RAB3GAP2: variants seen among roughly 807,000 people sequenced by gnomAD.
RAB3GAP2 encodes the protein rab3 GTPase-activating protein non-catalytic subunit.
A neutral mutation model predicts 185.3 loss-of-function variants in RAB3GAP2; 87 were observed. The observed-to-expected ratio is 0.47, with a 90% confidence interval of 0.39 to 0.56. The LOEUF (loss-of-function observed/expected upper bound fraction) is 0.56, where lower values mean the gene tolerates loss of function less well. Ranked by LOEUF, RAB3GAP2 falls within the 20% of genes least tolerant of loss-of-function variation. The probability of loss-of-function intolerance (pLI) is 0.00; values close to 1 mark genes in which losing one functional copy is unlikely to be tolerated. For synonymous variants in RAB3GAP2, 554 were observed against 576.1 expected (o/e 0.96, Z 0.55); for missense variants, 1,492 against 1,638.2 (o/e 0.91, Z 1.54).
At chr1:220,183,516 G>A (rs145843159) in intron 19 of RAB3GAP2, among the ~76,000 whole-genome samples, 53 of 152,094 alleles carry the variant, frequency 3.5e-4, no homozygotes, top group African/African-American at 1.2e-3. Flanking sequence ...GCTTCCCAAA[G>A]TGTTAAGGTT....
intron 12 of RAB3GAP2, 107 bp downstream of exon 12, chr1:220,194,971 G>T: frequency 8.9e-7 from 1 of 1,120,786 alleles, no homozygotes; most frequent in South Asian, 1.2e-5. Flanking sequence ...ATGGCTTTCA[G>T]AAGTTCCAAA....
At position 220,211,844 on chromosome 1, in the gene RAB3GAP2, C is replaced by T. The variant is rs1659090366; in HGVS notation, c.387-842G>A. Among the ~76,000 whole-genome samples, 4 of 152,264 alleles carry T rather than the reference C, an allele frequency of 2.6e-5. No homozygotes were observed. In the South Asian group the frequency reaches 8.3e-4, roughly 32 times the overall value. On this transcript the variant is annotated intron_variant, in intron 4 of 34. Coordinates refer to ENST00000358951, the MANE Select transcript of RAB3GAP2 (RefSeq NM_012414.4). ...TTTGCTTTGCATTTCTGACAGAGAT[C>T]AAATGTCTTTAAAACACTTAGACTA...
chr1:220,267,479 C>T (rs1660249735), intron 1 of RAB3GAP2: 1 of 1,406,204 alleles, frequency 7.1e-7, no homozygotes, highest in Admixed American at 1.7e-5. Context: ...GCCAAATAAA[C>T]ATTACCAAAC....
chr1:220,171,858 A>G, intron 23 of RAB3GAP2, 31 bp downstream of exon 23: 2 of 1,614,002 alleles, frequency 1.2e-6, no homozygotes, highest in Non-Finnish European at 1.7e-6. Context: ...CTGGATGTGT[A>G]CAGATCAAAG....
At chr1:220,183,946 C>T (rs1331732391) in intron 19 of RAB3GAP2, 90 bp downstream of exon 19, 1 of 1,164,002 alleles carries the variant, frequency 8.6e-7, no homozygotes, top group Non-Finnish European at 1.2e-6. Context: ...AAAAAAAATT[C>T]TTAATTTTCT....
At chr1:220,180,729 T>C (rs1311243826) in intron 21 of RAB3GAP2, among the ~76,000 whole-genome samples, 1 of 152,250 alleles carries the variant, frequency 6.6e-6, no homozygotes, top group African/African-American at 2.4e-5. Flanking sequence ...AAACTCATTC[T>C]ATGAGGCCAA....
chr1:220,245,841 T>C (rs576391727), intron 1 of RAB3GAP2, among the ~76,000 whole-genome samples: 97 of 152,334 alleles, frequency 6.4e-4, no homozygotes, highest in African/African-American at 2.0e-3. Context: ...AGACTGCCTC[T>C]TCAAGTGGGT....
At chr1:220,251,336 AG>A (rs1170703418) in intron 1 of RAB3GAP2, among the ~76,000 whole-genome samples, 1 of 152,088 alleles carries the variant, frequency 6.6e-6, no homozygotes, top group African/African-American at 2.4e-5. Context: ...CTTTCAAAGG[AG>A]AATATGAAAC....
At chr1:220,249,541 T>C (rs964749594) in intron 1 of RAB3GAP2, among the ~76,000 whole-genome samples, 3 of 152,094 alleles carry the variant, frequency 2.0e-5, no homozygotes, top group Admixed American at 2.0e-4. Flanking sequence ...GAAAAACCCA[T>C]TCCTGAGGAG....
chr1:220,247,908 A>C (rs148192253), intron 1 of RAB3GAP2, among the ~76,000 whole-genome samples: 223 of 152,278 alleles, frequency 1.5e-3, no homozygotes, highest in African/African-American at 5.2e-3. Context: ...CAAATGAAAA[A>C]AATGAATAAA....
chr1:220,209,404 T>C lies in RAB3GAP2; in HGVS notation c.612+984A>G, dbSNP rs61461040. Among the ~76,000 whole-genome samples the C allele has an allele frequency of 3.5e-3, 539 of 152,298 alleles. 25 individuals carry two copies. The East Asian group carries it at 0.092, about 26-fold the overall frequency. ...GATTACCTGAAACACTTTCCCCTCT[T>C]TTCTATTACCTAATTAAATTCTATA... is the stretch of plus-strand genomic sequence containing the variant. On this transcript the variant is annotated intron_variant, in intron 7 of 34. Transcript: ENST00000358951.
intron 24 of RAB3GAP2, among the ~76,000 whole-genome samples, chr1:220,169,732 T>C (rs967219195): frequency 4.9e-4 from 75 of 152,342 alleles, no homozygotes; most frequent in Admixed American, 4.8e-3. Context: ...CATGATCCCC[T>C]TAAAATTACT....
At chr1:220,182,660 T>C (rs1229395322) in intron 20 of RAB3GAP2, 58 bp downstream of exon 20, 2 of 1,335,948 alleles carry the variant, frequency 1.5e-6, no homozygotes, top group Non-Finnish European at 2.0e-6. Flanking sequence ...TATATGTTCC[T>C]ACCATGTTTT....
intron 1 of RAB3GAP2, among the ~76,000 whole-genome samples, chr1:220,270,659 G>A (rs2667960): frequency 0.041 from 6,230 of 152,112 alleles, 452 homozygotes; most frequent in African/African-American, 0.14. Context: ...TCCTACTAAG[G>A]TTCTTAATTC....
chr1:220,171,512 A>G (rs897714432), intron 23 of RAB3GAP2, among the ~76,000 whole-genome samples: 1 of 152,240 alleles, frequency 6.6e-6, no homozygotes, highest in African/African-American at 2.4e-5. Flanking sequence ...CATCATAATG[A>G]ACATTTCAAG....
chr1:220,204,073 T>G (rs1017105487), intron 8 of RAB3GAP2, among the ~76,000 whole-genome samples: 2 of 152,170 alleles, frequency 1.3e-5, no homozygotes, highest in East Asian at 3.8e-4. Flanking sequence ...GTTTAACTCC[T>G]AAATGGTTGA....
intron 21 of RAB3GAP2, among the ~76,000 whole-genome samples, chr1:220,180,013 T>C (rs1658371411): frequency 6.6e-6 from 1 of 152,036 alleles, no homozygotes; most frequent in East Asian, 1.9e-4. Flanking sequence ...AATACAAAAA[T>C]TAGCTGGGTG....
At chr1:220,224,954 T>C (rs1046377685) in intron 2 of RAB3GAP2, among the ~76,000 whole-genome samples, 1 of 152,058 alleles carries the variant, frequency 6.6e-6, no homozygotes, top group Non-Finnish European at 1.5e-5. Context: ...AGTAGTCAGG[T>C]CCCAGGCTCC....
At chr1:220,182,583 CA>C in intron 20 of RAB3GAP2, 134 bp downstream of exon 20, 1 of 1,195,740 alleles carries the variant, frequency 8.4e-7, no homozygotes, top group Non-Finnish European at 1.1e-6. Context: ...TTTTGTTGGC[CA>C]AAAAATACAG....
Sources: gnomAD v4.1 joint callset for allele counts (sites outside exome capture counted in the v4.1 genomes callset) on GRCh38, gnomAD v4.1.1 for gene constraint, MANE v1.5 for transcripts, NCBI Gene and HGNC (gene_info 2026-07-23, HGNC 2026-07-21) for gene names.